Variants in EHMT1 observed in about 807,000 individuals in gnomAD.
The protein encoded by EHMT1 is euchromatic histone lysine methyltransferase 1.
A neutral mutation model predicts 147.2 loss-of-function variants in EHMT1; 15 were observed. The ratio of observed to expected loss-of-function variants is 0.10; its 90% CI spans 0.07 to 0.16. The LOEUF is 0.16. EHMT1 is among the 10% of genes least tolerant of loss of function. The pLI is 1.00. For synonymous variants in EHMT1, 795 were observed against 709.6 expected (o/e 1.12, Z -1.91); for missense variants, 1,587 against 1,772.4 (o/e 0.90, Z 1.88).
chr9:137,709,935 G>C (rs564077503), intron 1 of EHMT1, among the ~76,000 whole-genome samples: 195 of 152,212 alleles, frequency 1.3e-3, no homozygotes, highest in Non-Finnish European at 2.2e-3. Flanking sequence ...CAGCCTGACA[G>C]CTCCCACTTG....
At chr9:137,633,719 C>A (rs1843775474) in intron 1 of EHMT1, among the ~76,000 whole-genome samples, 1 of 152,082 alleles carries the variant, frequency 6.6e-6, no homozygotes, top group South Asian at 2.1e-4. Flanking sequence ...AAACCTCATA[C>A]CCATTAGCAG....
intron 7 of EHMT1, 137 bp from the exon 8 acceptor site, chr9:137,754,034 A>G (rs571228641): frequency 8.3e-6 from 12 of 1,448,740 alleles, no homozygotes; most frequent in South Asian, 5.8e-5. Context: ...CAAAATGTCT[A>G]CAAGTTAAGT....
At chr9:137,641,221 C>G (rs1003994453) in intron 1 of EHMT1, 1 of 420,360 alleles carries the variant, frequency 2.4e-6, no homozygotes, top group Non-Finnish European at 4.7e-6. Flanking sequence ...CAGGATGCCT[C>G]TTCCTACTGG....
At chr9:137,722,585 A>G (rs1476764208) in intron 3 of EHMT1, among the ~76,000 whole-genome samples, 4 of 149,482 alleles carry the variant, frequency 2.7e-5, no homozygotes, top group African/African-American at 9.9e-5. Context: ...GGCAGAGACT[A>G]TGGGTGGGAG....
intron 4 of EHMT1, among the ~76,000 whole-genome samples, chr9:137,741,915 C>A (rs550011431): frequency 6.6e-6 from 1 of 152,274 alleles, no homozygotes; most frequent in Non-Finnish European, 1.5e-5. Flanking sequence ...CCTCCTTCAT[C>A]CCCCCACAAA....
intron 14 of EHMT1, among the ~76,000 whole-genome samples, chr9:137,781,904 G>A (rs9410138): frequency 0.042 from 6,371 of 152,290 alleles, 158 homozygotes; most frequent in African/African-American, 0.07. Context: ...GGAATTGACC[G>A]ATGCTCAGGC....
Position 137,641,979 on chromosome 9 carries a change from A to C in EHMT1, c.21+22930A>C, listed in dbSNP as rs189482621. Among the ~76,000 whole-genome samples the C allele has an allele frequency of 5.4e-3, 806 of 149,114 alleles. 2 individuals are homozygous for C. Among genetic ancestry groups the C allele is most frequent in the Non-Finnish European group, 9.6e-3 (641 of 66,842 alleles). On this transcript the variant is annotated intron_variant, in intron 1 of 26. Transcript: ENST00000460843. Reference sequence around the variant, plus strand: ...CTCAGCCTCCTGAGTAGCTGGGACTACAGGCACCCACCACCATGCCTGGCT... The same window carrying C: ...CTCAGCCTCCTGAGTAGCTGGGACTCCAGGCACCCACCACCATGCCTGGCT...
intron 1 of EHMT1, among the ~76,000 whole-genome samples, chr9:137,648,445 A>G (rs1845063336): frequency 6.8e-6 from 1 of 147,768 alleles, no homozygotes; most frequent in African/African-American, 2.6e-5. Context: ...GCTTGGGCCC[A>G]GAAGTTTCAG....
intron 1 of EHMT1, among the ~76,000 whole-genome samples, chr9:137,654,193 A>C (rs1938179520): frequency 6.6e-6 from 1 of 152,208 alleles, no homozygotes; most frequent in East Asian, 1.9e-4. Flanking sequence ...GCGAAACCCC[A>C]TCTCTACTGA....
At chr9:137,814,148 C>T in intron 21 of EHMT1, 1 of 494,056 alleles carries the variant, frequency 2.0e-6, no homozygotes, top group Non-Finnish European at 3.7e-6. Flanking sequence ...AATGCAGCCG[C>T]CGCCCAGCCC....
intron 1 of EHMT1, among the ~76,000 whole-genome samples, chr9:137,624,000 C>CTTTT (rs34882647): frequency 4.6e-5 from 6 of 131,512 alleles, no homozygotes; most frequent in African/African-American, 5.8e-5. Flanking sequence ...TTCTTTCTTT[C>CTTTT]TTTTTTTTTT....
At chr9:137,739,181 C>T (rs1198140590) in intron 4 of EHMT1, among the ~76,000 whole-genome samples, 2 of 151,576 alleles carry the variant, frequency 1.3e-5, no homozygotes, top group Non-Finnish European at 2.9e-5. Flanking sequence ...ACCATCCTGG[C>T]TAACACGGTG....
intron 1 of EHMT1, among the ~76,000 whole-genome samples, chr9:137,684,225 G>A (rs1942226641): frequency 6.6e-6 from 1 of 152,030 alleles, no homozygotes; most frequent in African/African-American, 2.4e-5. Flanking sequence ...TAGAGACGAG[G>A]TTTTGCCATG....
chr9:137,641,464 A>C, intron 1 of EHMT1: 1 of 503,728 alleles, frequency 2.0e-6, no homozygotes, highest in Non-Finnish European at 3.9e-6. Flanking sequence ...TCCTCCTCCC[A>C]AGCAGTGCAG....
intron 25 of EHMT1, among the ~76,000 whole-genome samples, chr9:137,823,820 A>T (rs1394809143): frequency 6.6e-6 from 1 of 152,212 alleles, no homozygotes. Context: ...AGCCTCCCAG[A>T]GTGCTGGGAT....
intron 1 of EHMT1, among the ~76,000 whole-genome samples, chr9:137,671,807 C>T (rs1940691063): frequency 1.3e-5 from 2 of 152,196 alleles, no homozygotes; most frequent in South Asian, 4.1e-4. Flanking sequence ...GGATCACAGG[C>T]ATCAGCCACT....
intron 1 of EHMT1, chr9:137,667,585 T>A (rs1939815010): frequency 6.6e-6 from 1 of 152,198 alleles, no homozygotes; most frequent in African/African-American, 2.4e-5. Flanking sequence ...ACATTTGTTT[T>A]TTATTTGAAG....
chr9:137,774,286 A>G (rs1232521930), intron 10 of EHMT1, among the ~76,000 whole-genome samples: 2 of 152,222 alleles, frequency 1.3e-5, no homozygotes, highest in Non-Finnish European at 2.9e-5. Context: ...TGGTAGGCGC[A>G]TGTGAGTGGA....
intron 10 of EHMT1, among the ~76,000 whole-genome samples, chr9:137,771,429 G>A (rs1268185228): frequency 6.6e-6 from 1 of 152,030 alleles, no homozygotes; most frequent in Non-Finnish European, 1.5e-5. Flanking sequence ...TCAAAGTCCT[G>A]ACCTCAGGTG....
Sources: gnomAD v4.1 joint callset for allele counts (sites outside exome capture counted in the v4.1 genomes callset) on GRCh38, gnomAD v4.1.1 for gene constraint, MANE v1.5 for transcripts, NCBI Gene and HGNC (gene_info 2026-07-23, HGNC 2026-07-21) for gene names.